The following SUMF1 variants were observed in gnomAD, a reference collection of about 807,000 sequenced individuals.
SUMF1 encodes sulfatase modifying factor 1.
Under a neutral mutation model 47.6 loss-of-function variants are expected in SUMF1, and 48 were observed. That is an observed-to-expected ratio of 1.01 (90% CI 0.80 to 1.28). SUMF1 has a LOEUF of 1.28. Ranked by LOEUF, SUMF1 falls within the 50% of genes most tolerant of loss-of-function variation. The probability of loss-of-function intolerance (pLI) is 0.00; values close to 1 mark genes in which losing one functional copy is unlikely to be tolerated. For synonymous variants in SUMF1, 230 were observed against 192.1 expected (o/e 1.20, Z -1.63); for missense variants, 571 against 485.4 (o/e 1.18, Z -1.66).
intron 8 of SUMF1, among the ~76,000 whole-genome samples, chr3:4,090,985 G>A (rs1399580969): frequency 6.6e-6 from 1 of 151,880 alleles, no homozygotes; most frequent in East Asian, 1.9e-4. Flanking sequence ...GGAGGCTGAG[G>A]CAGGAGAATC....
At chr3:4,098,677 G>C (rs1168788101) in intron 8 of SUMF1, among the ~76,000 whole-genome samples, 2 of 152,092 alleles carry the variant, frequency 1.3e-5, no homozygotes, top group Non-Finnish European at 2.9e-5. Context: ...AATCATGCTA[G>C]CTAAACATTG....
chr3:4,331,953 A>G (rs1559229173), intron 8 of SUMF1, among the ~76,000 whole-genome samples: 1 of 152,258 alleles, frequency 6.6e-6, no homozygotes, highest in Non-Finnish European at 1.5e-5. Flanking sequence ...TCTAATCAAT[A>G]GACTCAGACA....
intron 8 of SUMF1, among the ~76,000 whole-genome samples, chr3:4,268,208 G>C (rs904913771): frequency 6.6e-6 from 1 of 152,056 alleles, no homozygotes; most frequent in Admixed American, 6.6e-5. Context: ...GACACAGGAG[G>C]GGGAACATCA....
chr3:4,377,641 A>C (rs2124853638), intron 7 of SUMF1, among the ~76,000 whole-genome samples: 1 of 152,300 alleles, frequency 6.6e-6, no homozygotes, highest in Non-Finnish European at 1.5e-5. Flanking sequence ...TTTTTCTAGG[A>C]AGGGCTTCAG....
chr3:4,296,341 G>T (rs7625778), intron 8 of SUMF1, among the ~76,000 whole-genome samples: 51,254 of 150,680 alleles, frequency 0.34, 9,464 homozygotes, highest in Non-Finnish European at 0.42. Context: ...CTTTTAAAGT[G>T]AACAAAAATT....
intron 9 of SUMF1, among the ~76,000 whole-genome samples, chr3:4,059,548 A>G (rs1277183722): frequency 6.6e-6 from 1 of 152,218 alleles, no homozygotes; most frequent in Non-Finnish European, 1.5e-5. Flanking sequence ...AACAAAACAA[A>G]GAAATAAACA....
chr3:4,144,937 C>T (rs987165056), intron 8 of SUMF1, among the ~76,000 whole-genome samples: 4 of 152,058 alleles, frequency 2.6e-5, no homozygotes, highest in Admixed American at 1.3e-4. Context: ...CGGTGGCTCA[C>T]GCCTGTAATC....
chr3:4,058,089 T>C (rs1340575546), intron 9 of SUMF1, among the ~76,000 whole-genome samples: 1 of 152,028 alleles, frequency 6.6e-6, no homozygotes, highest in Non-Finnish European at 1.5e-5. Context: ...TGGAAGGAAA[T>C]TGTCCCCATT....
At chr3:4,255,189 G>C (rs999730840) in intron 8 of SUMF1, among the ~76,000 whole-genome samples, 3 of 140,514 alleles carry the variant, frequency 2.1e-5, no homozygotes, top group African/African-American at 7.8e-5. Flanking sequence ...ATCGAGACTA[G>C]GAAGAAACTG....
At chr3:4,227,594 C>G (rs1313351055) in intron 8 of SUMF1, among the ~76,000 whole-genome samples, 1 of 152,216 alleles carries the variant, frequency 6.6e-6, no homozygotes, top group Non-Finnish European at 1.5e-5. Context: ...GGGCTCCACA[C>G]TCTCCCTAAT....
intron 8 of SUMF1, among the ~76,000 whole-genome samples, chr3:4,235,427 G>T (rs552034450): frequency 6.6e-6 from 1 of 152,126 alleles, no homozygotes; most frequent in South Asian, 2.1e-4. Flanking sequence ...GGAGTCACCA[G>T]CATATCAAAG....
At chr3:4,192,802 T>C (rs1168655552) in intron 8 of SUMF1, among the ~76,000 whole-genome samples, 1 of 152,112 alleles carries the variant, frequency 6.6e-6, no homozygotes, top group Non-Finnish European at 1.5e-5. Flanking sequence ...TAATTAATCA[T>C]GCCTTTGTAA....
At position 4,452,854 on chromosome 3, in the gene SUMF1, C is replaced by G. The variant is rs762846349; in HGVS notation, c.444+22G>C. 6 of 1,613,910 alleles carry G rather than the reference C, an allele frequency of 3.7e-6. No homozygotes were observed. The East Asian group carries it at 8.9e-5, about 24-fold the overall frequency. ...AGTTCTGGAAAAGAACAAGTTCTCC[C>G]TCCTTTCCCCAATCCCATTACCTCT... is the stretch of plus-strand genomic sequence containing the variant. On this transcript the variant is annotated intron_variant, in intron 2 of 8. Transcript: ENST00000272902.
intron 8 of SUMF1, among the ~76,000 whole-genome samples, chr3:4,132,298 C>T (rs955302968): frequency 8.5e-5 from 13 of 152,256 alleles, no homozygotes; most frequent in African/African-American, 2.4e-4. Context: ...CAGCTGTGGA[C>T]TCATGCTCAT....
At chr3:4,156,424 G>T (rs981430374) in intron 8 of SUMF1, among the ~76,000 whole-genome samples, 4 of 151,444 alleles carry the variant, frequency 2.6e-5, no homozygotes, top group African/African-American at 9.8e-5. Context: ...TGAGAGCAGG[G>T]GTTTTCTGGT....
chr3:4,354,584 T>C (rs1206868803), intron 8 of SUMF1, among the ~76,000 whole-genome samples: 3 of 152,208 alleles, frequency 2.0e-5, no homozygotes, highest in Admixed American at 1.3e-4. Flanking sequence ...TATTTCCAAA[T>C]TCAAGTACTA....
At chr3:4,170,855 C>T (rs1187117400) in intron 8 of SUMF1, among the ~76,000 whole-genome samples, 1 of 152,202 alleles carries the variant, frequency 6.6e-6, no homozygotes, top group Non-Finnish European at 1.5e-5. Flanking sequence ...AGCCAGCTTT[C>T]TCTTCATGGT....
intron 8 of SUMF1, among the ~76,000 whole-genome samples, chr3:4,235,422 C>G (rs1696385994): frequency 6.6e-6 from 1 of 151,936 alleles, no homozygotes; most frequent in Non-Finnish European, 1.5e-5. Flanking sequence ...ATTTGGGAGT[C>G]ACCAGCATAT....
chr3:4,181,699 T>C (rs1695098901), intron 8 of SUMF1, among the ~76,000 whole-genome samples: 1 of 152,128 alleles, frequency 6.6e-6, no homozygotes, highest in Non-Finnish European at 1.5e-5. Context: ...GAGTGTCCCC[T>C]GTCCTGGAAC....
Sources: allele counts gnomAD v4.1 joint callset (sites outside exome capture counted in the v4.1 genomes callset), GRCh38; gene constraint gnomAD v4.1.1; transcripts MANE v1.5; gene names NCBI Gene and HGNC (gene_info 2026-07-23, HGNC 2026-07-21).